MED12L: variants seen among roughly 807,000 people sequenced by gnomAD.
The protein encoded by MED12L is mediator complex subunit 12L.
MED12L carries 60 observed loss-of-function variants against 281.3 expected under a neutral mutation model. The ratio of observed to expected loss-of-function variants is 0.21; its 90% CI spans 0.17 to 0.26. MED12L has a LOEUF of 0.26. Among genes scored for constraint, MED12L ranks in the 10% least tolerant of loss-of-function variants. MED12L has a pLI of 1.00. For synonymous variants in MED12L, 974 were observed against 987.2 expected (o/e 0.99, Z 0.25); for missense variants, 2,146 against 2,680.9 (o/e 0.80, Z 4.41).
At position 151,158,784 on chromosome 3, in the gene MED12L, A is replaced by G. The variant is rs1719616541; in HGVS notation, c.822A>G (p.Leu274=). The G allele has an allele frequency of 9.3e-6, 15 of 1,610,144 alleles. No homozygotes were observed. The highest frequency in any genetic ancestry group is 1.2e-5 in the Non-Finnish European group (14 of 1,176,678). The stretch of plus-strand genomic sequence containing the variant: ...ATGATGATCTTCTTAAACTCTTGCT[A>G]CCACTAATGCTGCAGGTATAGTACA... The part of the protein sequence containing the change: ...PMDDDLLKLL[L]PLMLQYSDEF... Residue 274 remains leucine, a synonymous_variant, in exon 7 of 45, where the codon CTA becomes CTG. Transcript: ENST00000687756.
At chr3:151,181,015 C>A (rs970004961) in intron 11 of MED12L, among the ~76,000 whole-genome samples, 1 of 150,254 alleles carries the variant, frequency 6.7e-6, no homozygotes, top group African/African-American at 2.5e-5. Flanking sequence ...ATTTTAAATT[C>A]TTAAGTGATT....
At chr3:151,189,506 G>T (rs540755533) in intron 13 of MED12L, among the ~76,000 whole-genome samples, 2 of 152,228 alleles carry the variant, frequency 1.3e-5, no homozygotes, top group East Asian at 1.9e-4. Flanking sequence ...TGCTTCCCTC[G>T]TTTCTTCCCC....
chr3:151,423,790 C>T (rs1718545964), intron 43 of MED12L, among the ~76,000 whole-genome samples: 1 of 152,146 alleles, frequency 6.6e-6, no homozygotes, highest in Non-Finnish European at 1.5e-5. Context: ...TAACACCATC[C>T]CGCTGCATCA....
chr3:151,220,545 G>T (rs1729139592), intron 16 of MED12L, among the ~76,000 whole-genome samples: 2 of 152,206 alleles, frequency 1.3e-5, no homozygotes, highest in Admixed American at 1.3e-4. Flanking sequence ...AAGGGAGCCA[G>T]TGGGAGATGA....
chr3:151,183,247 C>T (rs548509928), intron 11 of MED12L, among the ~76,000 whole-genome samples: 1 of 152,208 alleles, frequency 6.6e-6, no homozygotes, highest in Non-Finnish European at 1.5e-5. Flanking sequence ...GACCATGCCT[C>T]TCGTAAAACC....
At position 151,434,652 on chromosome 3, in the gene MED12L, G is replaced by A. The variant is rs1309078653; in HGVS notation, c.*1848G>A. ...AATATATCTATATAATGACTGCATT[G>A]GCAAATCAACCGAAATGTGAATGTT... On this transcript the variant is annotated 3_prime_UTR_variant, in exon 45 of 45. Coordinates refer to ENST00000687756, the MANE Select transcript of MED12L (RefSeq NM_001393769.1). 1.3e-5 allele frequency: 2 copies of A among 151,976 alleles called. No homozygotes were observed. Among genetic ancestry groups the A allele is most frequent in the African/African-American group, 4.8e-5 (2 of 41,340 alleles). The allele number at this position is 151,976 out of a possible 1,614,324, so 9.4% of individuals were successfully genotyped here.
chr3:151,087,094 G>T, intron 2 of MED12L, 69 bp downstream of exon 2: 1 of 1,297,476 alleles, frequency 7.7e-7, no homozygotes, highest in Non-Finnish European at 1.1e-6. Context: ...GGCCAAGTTG[G>T]CCCAGCGGGC....
chr3:151,209,313 A>G (rs1188845237), intron 16 of MED12L, among the ~76,000 whole-genome samples: 1 of 152,326 alleles, frequency 6.6e-6, no homozygotes, highest in East Asian at 1.9e-4. Flanking sequence ...GCTGATTCAC[A>G]TGTAATATTT....
At chr3:151,102,240 C>A (rs905126650) in intron 2 of MED12L, among the ~76,000 whole-genome samples, 1 of 152,082 alleles carries the variant, frequency 6.6e-6, no homozygotes, top group Non-Finnish European at 1.5e-5. Context: ...TTGTGGGCTG[C>A]TTGGGTGATA....
chr3:151,165,706 T>G (rs1253894510), intron 10 of MED12L, 140 bp from the exon 11 acceptor site: 1 of 1,030,694 alleles, frequency 9.7e-7, no homozygotes, highest in Non-Finnish European at 1.4e-6. Flanking sequence ...TTGGTTTTGT[T>G]GATGATTGTT....
At chr3:151,261,387 C>G (rs1490157844) in intron 16 of MED12L, 1 of 152,134 alleles carries the variant, frequency 6.6e-6, no homozygotes, top group Non-Finnish European at 1.5e-5. Flanking sequence ...TGTAGCCTAC[C>G]TGGAATTGTG....
chr3:151,298,001 A>C (rs771175390), intron 16 of MED12L, among the ~76,000 whole-genome samples: 5 of 151,506 alleles, frequency 3.3e-5, no homozygotes, highest in Non-Finnish European at 7.4e-5. Context: ...ATGGTAGTAG[A>C]GACAAAAAAT....
chr3:151,401,781 C>G (rs1456869825), intron 39 of MED12L, among the ~76,000 whole-genome samples: 1 of 152,112 alleles, frequency 6.6e-6, no homozygotes, highest in Non-Finnish European at 1.5e-5. Flanking sequence ...AACCACTGTC[C>G]TGGTAAATAT....
chr3:151,287,312 T>C (rs187914395), intron 16 of MED12L, among the ~76,000 whole-genome samples: 9 of 152,286 alleles, frequency 5.9e-5, no homozygotes, highest in Admixed American at 2.0e-4. Context: ...CAAAATCCTT[T>C]CTTATCCATG....
intron 4 of MED12L, among the ~76,000 whole-genome samples, chr3:151,126,891 G>A (rs1005944949): frequency 1.3e-5 from 2 of 152,182 alleles, no homozygotes; most frequent in Non-Finnish European, 2.9e-5. Context: ...AGGATCCCAG[G>A]AATGAAGGGC....
rs192342496 is a variant in MED12L at position 151,167,989 on chromosome 3, T to G, written c.1494+2007T>G. On this transcript the variant is annotated intron_variant, in intron 11 of 44. Transcript: ENST00000687756. Reference sequence around the variant, plus strand: ...CAAGATTATCATAACCACCTTAGTTTTGTGGTTAGCCTGACTATATACCTT... The same window carrying G: ...CAAGATTATCATAACCACCTTAGTTGTGTGGTTAGCCTGACTATATACCTT... Among the ~76,000 whole-genome samples, 6 of 152,326 alleles carry G rather than the reference T, an allele frequency of 3.9e-5. No homozygotes were observed. The East Asian group carries it at 9.6e-4, about 24-fold the overall frequency.
At chr3:151,387,176 G>A (rs1240341559) in intron 36 of MED12L, among the ~76,000 whole-genome samples, 1 of 149,852 alleles carries the variant, frequency 6.7e-6, no homozygotes, top group Non-Finnish European at 1.5e-5. Flanking sequence ...ACCAATTAAT[G>A]TTAAGAATAA....
intron 16 of MED12L, among the ~76,000 whole-genome samples, chr3:151,207,505 G>T (rs1336379547): frequency 6.8e-6 from 1 of 147,684 alleles, no homozygotes; most frequent in Non-Finnish European, 1.5e-5. Context: ...ATTTTGGGGG[G>T]GACTGTCAGG....
chr3:151,385,069 G>C lies in MED12L; in HGVS notation c.4966G>C (p.Val1656Leu). The change falls in exon 36 of 45, where the codon GTT becomes CTT. Residue 1656 changes from valine to leucine, a missense_variant. Coordinates refer to ENST00000687756, the MANE Select transcript of MED12L (RefSeq NM_001393769.1). ...GDKRSESIDK[V>L]RQLLPLPKQT... ...CAAGCGATCAGAAAGTATTGACAAA[G>C]TTCGACAGTTACTACCTTTGCCGAA... 1 of 1,609,336 alleles carries C rather than the reference G, an allele frequency of 6.2e-7. No homozygotes were observed. Among genetic ancestry groups the C allele is most frequent in the Non-Finnish European group, 8.5e-7 (1 of 1,176,508 alleles).
Sources: allele counts gnomAD v4.1 joint callset (sites outside exome capture counted in the v4.1 genomes callset), GRCh38; gene constraint gnomAD v4.1.1; transcripts MANE v1.5; gene names NCBI Gene and HGNC (gene_info 2026-07-23, HGNC 2026-07-21).